The following COL19A1 variants were observed in gnomAD, a reference collection of about 807,000 sequenced individuals.
The protein encoded by COL19A1 is collagen type XIX alpha 1 chain.
In COL19A1, 159 loss-of-function variants were observed where a neutral mutation model predicts 190.2. The observed-to-expected ratio is 0.84, with a 90% confidence interval of 0.73 to 0.95. The LOEUF (loss-of-function observed/expected upper bound fraction) is 0.95. Ranked by LOEUF, COL19A1 falls within the 40% of genes least tolerant of loss-of-function variation. The probability of loss-of-function intolerance (pLI) is 0.00; values close to 1 mark genes in which losing one functional copy is unlikely to be tolerated. For synonymous variants in COL19A1, 509 were observed against 458.9 expected (o/e 1.11, Z -1.39); for missense variants, 1,418 against 1,431.9 (o/e 0.99, Z 0.16).
At chr6:70,076,358 A>T (rs781097596) in intron 15 of COL19A1, among the ~76,000 whole-genome samples, 1 of 152,232 alleles carries the variant, frequency 6.6e-6, no homozygotes, top group Non-Finnish European at 1.5e-5. Flanking sequence ...AAATAGGGAT[A>T]TTGAGAATTT....
At chr6:70,079,061 A>G (rs3793051) in intron 15 of COL19A1, among the ~76,000 whole-genome samples, 37,473 of 152,116 alleles carry the variant, frequency 0.25, 7,746 homozygotes, top group African/African-American at 0.55. Flanking sequence ...AGGAGACTCT[A>G]TCTCAAAGAA....
At position 70,029,182 on chromosome 6, in the gene COL19A1, C is replaced by T. The variant is rs1232297739; in HGVS notation, c.1081-5063C>T. Among the ~76,000 whole-genome samples the T allele has an allele frequency of 2.6e-5, 4 of 152,050 alleles. 1 individual carries two copies. Among genetic ancestry groups the T allele is most frequent in the Admixed American group, 2.6e-4 (4 of 15,242 alleles). On this transcript the variant is annotated intron_variant, in intron 12 of 50. Transcript: ENST00000620364. ...ACATTGCTAGGGAATAACATTAAGT[C>T]ATTGAAAGCTTGTGAAAAGAATTAA...
At chr6:70,102,706 T>A (rs183500362) in intron 16 of COL19A1, among the ~76,000 whole-genome samples, 2 of 152,234 alleles carry the variant, frequency 1.3e-5, no homozygotes, top group East Asian at 3.9e-4. Flanking sequence ...CTTATCTGGA[T>A]CCTTTACCCC....
intron 10 of COL19A1, among the ~76,000 whole-genome samples, chr6:69,961,398 G>A (rs140953595): frequency 1.1e-4 from 16 of 152,286 alleles, no homozygotes; most frequent in African/African-American, 3.6e-4. Flanking sequence ...CTGCATCTGC[G>A]AGTCAAGTTG....
At chr6:70,151,697 T>C (rs1418680210) in intron 31 of COL19A1, among the ~76,000 whole-genome samples, 3 of 152,126 alleles carry the variant, frequency 2.0e-5, no homozygotes, top group Non-Finnish European at 4.4e-5. Context: ...AGGATAGTTA[T>C]GAATTGGCTA....
At chr6:70,034,151 G>A in intron 12 of COL19A1, 94 bp from the exon 13 acceptor site, 1 of 853,306 alleles carries the variant, frequency 1.2e-6, no homozygotes, top group Non-Finnish European at 2.0e-6. Context: ...ATGAGATTTG[G>A]AGGTTCAGTA....
intron 14 of COL19A1, among the ~76,000 whole-genome samples, chr6:70,052,438 G>A (rs1780257148): frequency 6.6e-6 from 1 of 152,150 alleles, no homozygotes; most frequent in Admixed American, 6.6e-5. Flanking sequence ...ACAAATATTA[G>A]CAAATGTTGC....
intron 1 of COL19A1, among the ~76,000 whole-genome samples, chr6:69,878,948 G>C (rs1172864721): frequency 1.3e-5 from 2 of 152,156 alleles, no homozygotes; most frequent in African/African-American, 4.8e-5. Flanking sequence ...AAGTCATACA[G>C]ATACAAATAC....
At chr6:69,942,133 A>G (rs186898641) in intron 9 of COL19A1, among the ~76,000 whole-genome samples, 77 of 152,318 alleles carry the variant, frequency 5.1e-4, no homozygotes, top group Non-Finnish European at 9.6e-4. Flanking sequence ...TTTTGGCCCA[A>G]TGTAATAAAG....
chr6:70,128,133 T>C (rs1785311813), intron 17 of COL19A1, among the ~76,000 whole-genome samples: 1 of 152,250 alleles, frequency 6.6e-6, no homozygotes, highest in Admixed American at 6.5e-5. Flanking sequence ...AGTTTTAAAC[T>C]TGTTGACTAT....
chr6:70,093,103 CT>C, intron 15 of COL19A1, among the ~76,000 whole-genome samples: 1 of 152,226 alleles, frequency 6.6e-6, no homozygotes, highest in African/African-American at 2.4e-5. Flanking sequence ...GGAGAAAAGT[CT>C]TCATTCATGA....
intron 14 of COL19A1, among the ~76,000 whole-genome samples, chr6:70,055,642 T>C (rs111547298): frequency 0.053 from 8,062 of 151,540 alleles, 700 homozygotes; most frequent in African/African-American, 0.19. Context: ...ATCAGCCAAG[T>C]GTGGTGGTGG....
At chr6:70,177,671 T>G (rs538550387) in intron 42 of COL19A1, among the ~76,000 whole-genome samples, 74 of 152,354 alleles carry the variant, frequency 4.9e-4, no homozygotes, top group Non-Finnish European at 9.1e-4. Context: ...CTTAATTCTA[T>G]TCCCTCACTA....
At chr6:70,167,332 A>G (rs1006608344) in intron 37 of COL19A1, among the ~76,000 whole-genome samples, 2 of 152,238 alleles carry the variant, frequency 1.3e-5, no homozygotes, top group Non-Finnish European at 2.9e-5. Flanking sequence ...TTTAAAAAGA[A>G]AGACAAAAGA....
intron 11 of COL19A1, among the ~76,000 whole-genome samples, chr6:70,010,281 A>G (rs936459415): frequency 7.2e-5 from 11 of 152,190 alleles, no homozygotes; most frequent in Admixed American, 5.9e-4. Context: ...ATGAATTGCA[A>G]ATAAACTCAT....
chr6:70,138,628 G>A (rs549968492), intron 19 of COL19A1, among the ~76,000 whole-genome samples: 1 of 152,154 alleles, frequency 6.6e-6, no homozygotes, highest in East Asian at 1.9e-4. Flanking sequence ...ATGACAAACA[G>A]GAACATTATT....
At chr6:70,010,278 G>A (rs1777907136) in intron 11 of COL19A1, among the ~76,000 whole-genome samples, 1 of 152,106 alleles carries the variant, frequency 6.6e-6, no homozygotes, top group Admixed American at 6.6e-5. Context: ...TATATGAATT[G>A]CAAATAAACT....
At chr6:69,950,473 A>AT (rs1483847961) in intron 9 of COL19A1, among the ~76,000 whole-genome samples, 11 of 151,864 alleles carry the variant, frequency 7.2e-5, no homozygotes, top group Admixed American at 2.0e-4. Flanking sequence ...AACAGCTATG[A>AT]TTTTGCCTAA....
At chr6:70,206,818 A>G (rs1326709241) in intron 49 of COL19A1, 83 bp from the exon 50 acceptor site, 6 of 1,154,740 alleles carry the variant, frequency 5.2e-6, no homozygotes, top group Non-Finnish European at 7.4e-6. Flanking sequence ...TAATTATCAC[A>G]GACTCAGAAA....
Sources: allele counts gnomAD v4.1 joint callset (sites outside exome capture counted in the v4.1 genomes callset), GRCh38; gene constraint gnomAD v4.1.1; transcripts MANE v1.5; gene names NCBI Gene and HGNC (gene_info 2026-07-23, HGNC 2026-07-21).